BABAM2: variants seen among roughly 807,000 people sequenced by gnomAD.
The protein encoded by BABAM2 is BRISC and BRCA1 A complex member 2.
BABAM2 carries 31 observed loss-of-function variants against 54.7 expected under a neutral mutation model. That is an observed-to-expected ratio of 0.57 (90% CI 0.43 to 0.77). The LOEUF (loss-of-function observed/expected upper bound fraction) is 0.77, where lower values mean the gene tolerates loss of function less well. Among genes scored for constraint, BABAM2 ranks in the 30% least tolerant of loss-of-function variants. The pLI, the probability that BABAM2 is intolerant of heterozygous loss-of-function variation, is 0.00. For synonymous variants in BABAM2, 167 were observed against 162.9 expected (o/e 1.03, Z -0.19); for missense variants, 364 against 455.8 (o/e 0.80, Z 1.83).
Position 27,945,829 on chromosome 2 carries a change from A to G in BABAM2, c.205+15921A>G, listed in dbSNP as rs560260907. Among the ~76,000 whole-genome samples the G allele has an allele frequency of 2.7e-5, 4 of 150,852 alleles. No individual in the cohort carries two copies. In the East Asian group the frequency reaches 7.8e-4, roughly 29 times the overall value. On this transcript the variant is annotated intron_variant, in intron 3 of 11. Transcript: ENST00000379624. ...TTTTTTTTTGAACTTTGTTTTCCTGAACTCATTGAAATGTAATTGATTTTG... is the reference window on the plus strand; with the variant it reads ...TTTTTTTTTGAACTTTGTTTTCCTGGACTCATTGAAATGTAATTGATTTTG...
intron 6 of BABAM2, among the ~76,000 whole-genome samples, chr2:28,108,378 A>G (rs1370888884): frequency 1.3e-5 from 2 of 152,230 alleles, no homozygotes; most frequent in Non-Finnish European, 2.9e-5. Context: ...GGATGCTTCA[A>G]TACTTTCATC....
chr2:28,208,635 C>G (rs1679134540), intron 7 of BABAM2, among the ~76,000 whole-genome samples: 1 of 138,412 alleles, frequency 7.2e-6, no homozygotes, highest in Non-Finnish European at 1.6e-5. Context: ...CTTCCTCTTT[C>G]TTTCTTTCCT....
At chr2:28,035,635 A>G (rs1464287693) in intron 5 of BABAM2, among the ~76,000 whole-genome samples, 2 of 152,202 alleles carry the variant, frequency 1.3e-5, no homozygotes, top group East Asian at 3.8e-4. Context: ...TGTAAAATAA[A>G]TGAACCATGA....
At chr2:28,248,769 C>T (rs1683148413) in intron 10 of BABAM2, among the ~76,000 whole-genome samples, 1 of 152,030 alleles carries the variant, frequency 6.6e-6, no homozygotes, top group South Asian at 2.1e-4. Flanking sequence ...GGTAAATGAC[C>T]CTTTGAGTCA....
intron 2 of BABAM2, among the ~76,000 whole-genome samples, chr2:27,913,123 T>C (rs755973275): frequency 1.3e-5 from 2 of 152,194 alleles, no homozygotes; most frequent in Non-Finnish European, 2.9e-5. Context: ...GCTGATACTT[T>C]TGTAAAATAT....
intron 4 of BABAM2, among the ~76,000 whole-genome samples, chr2:28,020,952 G>GACACACACACACACACACACACAC (rs57086132): frequency 1.4e-5 from 2 of 144,414 alleles, no homozygotes; most frequent in Non-Finnish European, 3.0e-5. Context: ...CTGTCTCTCT[G>GACACACACACACACACACACACAC]ACACACACAC....
intron 10 of BABAM2, among the ~76,000 whole-genome samples, chr2:28,279,992 A>G (rs1040854436): frequency 3.3e-5 from 5 of 150,984 alleles, no homozygotes; most frequent in Non-Finnish European, 7.4e-5. Context: ...AAATGTAAAA[A>G]CTCACATACC....
intron 6 of BABAM2, among the ~76,000 whole-genome samples, chr2:28,114,566 A>C (rs1270822752): frequency 6.6e-6 from 1 of 152,192 alleles, no homozygotes; most frequent in Non-Finnish European, 1.5e-5. Context: ...ACTGATTCTT[A>C]CAATCCTTCT....
intron 6 of BABAM2, among the ~76,000 whole-genome samples, chr2:28,111,149 T>G (rs958923595): frequency 2.4e-5 from 3 of 122,644 alleles, no homozygotes; most frequent in Non-Finnish European, 4.9e-5. Flanking sequence ...TTTTTTTTTT[T>G]GTATTTTTTT....
chr2:28,101,881 C>A (rs1667112634), intron 6 of BABAM2, among the ~76,000 whole-genome samples: 1 of 152,054 alleles, frequency 6.6e-6, no homozygotes, highest in Non-Finnish European at 1.5e-5. Flanking sequence ...CTTGACTTAC[C>A]CACACTTACT....
At chr2:28,047,924 A>G (rs1677717345) in intron 6 of BABAM2, among the ~76,000 whole-genome samples, 1 of 152,236 alleles carries the variant, frequency 6.6e-6, no homozygotes, top group Admixed American at 6.5e-5. Context: ...GGGTTTTAAT[A>G]TCTACATTCC....
At chr2:28,112,467 C>T (rs753062415) in intron 6 of BABAM2, among the ~76,000 whole-genome samples, 2 of 151,650 alleles carry the variant, frequency 1.3e-5, no homozygotes, top group Non-Finnish European at 2.9e-5. Context: ...GTTTGGTTTT[C>T]TGTTCTTGTG....
chr2:28,183,742 C>CACACACACACATAT (rs879616423), intron 7 of BABAM2, among the ~76,000 whole-genome samples: 4 of 148,632 alleles, frequency 2.7e-5, no homozygotes, highest in Non-Finnish European at 5.9e-5. Flanking sequence ...ATGAAGATCA[C>CACACACACACATAT]ACACACACAC....
chr2:28,177,618 A>C (rs1304349892), intron 7 of BABAM2, among the ~76,000 whole-genome samples: 2 of 152,098 alleles, frequency 1.3e-5, no homozygotes, highest in African/African-American at 4.8e-5. Context: ...GAACAAAATG[A>C]CAAGAATAAG....
At chr2:28,239,212 T>G (rs553033732) in intron 8 of BABAM2, among the ~76,000 whole-genome samples, 1 of 152,246 alleles carries the variant, frequency 6.6e-6, no homozygotes, top group African/African-American at 2.4e-5. Context: ...AAGCACTGTT[T>G]TTATAAATTG....
chr2:27,934,868 A>G (rs1432027959), intron 3 of BABAM2, among the ~76,000 whole-genome samples: 2 of 152,238 alleles, frequency 1.3e-5, no homozygotes, highest in African/African-American at 4.8e-5. Context: ...TGCAGAAGAA[A>G]ATTTGAAGCT....
In BABAM2 at chr2:28,129,301, G is replaced by T. The variant is rs758746129; in HGVS notation, c.601G>T (p.Ala201Ser). ...DVNEDPGEDVALLSVSFEDTE... is the reference protein window; with the variant it reads ...DVNEDPGEDVSLLSVSFEDTE... ...AAATGAAGACCCTGGAGAAGATGTGGCCCTCCTCTCTGTTAGTTTTGAGGA... is the reference window on the plus strand; with the variant it reads ...AAATGAAGACCCTGGAGAAGATGTGTCCCTCCTCTCTGTTAGTTTTGAGGA... The change falls in exon 7 of 12, where the codon GCC (alanine) becomes TCC (serine). Residue 201 changes from alanine (A) to serine (S), a missense_variant. Ala to Ser is a moderately conservative substitution (Grantham distance 99). Coordinates refer to ENST00000379624, the MANE Select transcript of BABAM2 (RefSeq NM_199191.3). 1 of 1,613,946 alleles carries T rather than the reference G, an allele frequency of 6.2e-7. No homozygotes were observed. The highest frequency in any genetic ancestry group is 1.1e-5 in the South Asian group (1 of 91,058).
At chr2:28,233,952 T>C (rs1681663062) in intron 7 of BABAM2, among the ~76,000 whole-genome samples, 2 of 126,166 alleles carry the variant, frequency 1.6e-5, no homozygotes, top group Admixed American at 1.8e-4. Flanking sequence ...TTGGTGACGG[T>C]CTGAAGCCTC....
At chr2:28,111,982 C>T (rs1668064512) in intron 6 of BABAM2, among the ~76,000 whole-genome samples, 1 of 152,056 alleles carries the variant, frequency 6.6e-6, no homozygotes, top group Admixed American at 6.5e-5. Flanking sequence ...ACATCCATAG[C>T]TTACTATTTA....
Sources: gnomAD v4.1 joint callset for allele counts (sites outside exome capture counted in the v4.1 genomes callset) on GRCh38, gnomAD v4.1.1 for gene constraint, MANE v1.5 for transcripts, NCBI Gene and HGNC (gene_info 2026-07-23, HGNC 2026-07-21) for gene names.